Variants in GDPD5 observed in about 807,000 individuals in gnomAD.
The protein encoded by GDPD5 is glycerophosphodiester phosphodiesterase domain containing 5.
A neutral mutation model predicts 75.1 loss-of-function variants in GDPD5; 48 were observed. The observed-to-expected ratio is 0.64, with a 90% confidence interval of 0.51 to 0.81. The LOEUF is 0.81. GDPD5 is among the 40% of genes least tolerant of loss of function. The pLI is 0.00. For synonymous variants in GDPD5, 336 were observed against 339.0 expected (o/e 0.99, Z 0.10); for missense variants, 706 against 822.6 (o/e 0.86, Z 1.73).
chr11:75,517,890 T>A (rs926295835), intron 1 of GDPD5, among the ~76,000 whole-genome samples: 1 of 151,690 alleles, frequency 6.6e-6, no homozygotes, highest in Non-Finnish European at 1.5e-5. Flanking sequence ...GGTGTCCGGG[T>A]TGGAAAAACA....
intron 1 of GDPD5, among the ~76,000 whole-genome samples, chr11:75,525,000 G>A (rs1288003946): frequency 3.9e-5 from 6 of 152,268 alleles, no homozygotes; most frequent in African/African-American, 1.2e-4. Flanking sequence ...GTAGCAGTGA[G>A]GCTTAGGCGG....
intron 1 of GDPD5, among the ~76,000 whole-genome samples, chr11:75,495,984 T>C (rs1408718069): frequency 6.6e-6 from 1 of 152,216 alleles, no homozygotes; most frequent in Non-Finnish European, 1.5e-5. Context: ...GGGCTGTATT[T>C]CCAGGGCAGT....
intron 1 of GDPD5, among the ~76,000 whole-genome samples, chr11:75,518,146 G>T (rs1418568388): frequency 6.6e-6 from 1 of 152,234 alleles, no homozygotes; most frequent in Non-Finnish European, 1.5e-5. Context: ...TATGGGGTGG[G>T]TGCTTGCCAT....
intron 16 of GDPD5, 36 bp downstream of exon 16, chr11:75,436,900 C>G: frequency 6.5e-7 from 1 of 1,530,234 alleles, no homozygotes; most frequent in Non-Finnish European, 9.0e-7. Flanking sequence ...AAGCTGGGCC[C>G]AGGGCCTGCC....
chr11:75,503,761 G>A lies in GDPD5; in HGVS notation c.-144-13441C>T, dbSNP rs115670316. Reference sequence around the variant, plus strand: ...GTCTCCTTGTTGCTGAAGCAGCTCCGCTGTCCACAGCCCTGGGGAAAGTCA... The same window carrying A: ...GTCTCCTTGTTGCTGAAGCAGCTCCACTGTCCACAGCCCTGGGGAAAGTCA... On this transcript the variant is annotated intron_variant, in intron 1 of 16. Transcript: ENST00000336898. 3.8e-3 allele frequency among the ~76,000 whole-genome samples: 579 copies of A among 152,336 alleles called. 6 individuals are homozygous for A. Among genetic ancestry groups the A allele is most frequent in the African/African-American group, 0.013 (543 of 41,568 alleles).
Position 75,443,222 on chromosome 11 carries a change from C to A in GDPD5, c.862G>T (p.Glu288Ter), listed in dbSNP as rs768225196. 11 of 1,608,044 alleles carry A rather than the reference C, an allele frequency of 6.8e-6. No homozygotes were observed. The highest frequency in any genetic ancestry group is 8.5e-6 in the Non-Finnish European group (10 of 1,177,902). ...GGCCTGCGGGCCAGCTCCGGGAACT[C>A]CTCCTCCACGTTGGTGGTGCGCCGC... ...TLRRTTNVEE[E>*]FPELARRPAS... is the part of the protein sequence containing the mutation. The change falls in exon 11 of 17, where the codon GAG (glutamate) becomes TAG (stop). Residue 288 changes from glutamate to a stop codon, truncating the protein, a stop_gained. Transcript: ENST00000336898. LOFTEE classifies it high-confidence loss of function.
At chr11:75,449,744 A>G in intron 7 of GDPD5, 134 bp from the exon 8 acceptor site, 1 of 1,254,354 alleles carries the variant, frequency 8.0e-7, no homozygotes, top group Non-Finnish European at 1.1e-6. Flanking sequence ...TGGGAGCCTC[A>G]GGACCCTGGT....
chr11:75,478,718 A>G (rs978455686), intron 2 of GDPD5, among the ~76,000 whole-genome samples: 12 of 152,262 alleles, frequency 7.9e-5, no homozygotes, highest in Admixed American at 1.3e-4. Flanking sequence ...ATTTTAGAAG[A>G]AATTATCATA....
In GDPD5 at chr11:75,455,434, T is replaced by G. The variant is rs77706546; in HGVS notation, c.375+1323A>C. On this transcript the variant is annotated intron_variant, in intron 6 of 16. Transcript: ENST00000336898. ...CTCCTACCACTCTAAGACTTCAGTC[T>G]CTGGGGTCTGACTCCCAAGCTCCAG... The G allele has an allele frequency of 3.8e-3, 1,717 of 452,250 alleles. 28 individuals are homozygous for G. Among genetic ancestry groups the G allele is most frequent in the African/African-American group, 0.03 (1,505 of 50,020 alleles). The allele number at this position is 452,250 out of a possible 1,614,324, so 28.0% of individuals were successfully genotyped here. A position where few individuals can be genotyped will look rare whatever the true frequency, so the allele number is the denominator to read the frequency against.
chr11:75,473,243 C>T (rs1199007505), intron 3 of GDPD5, among the ~76,000 whole-genome samples: 1 of 151,968 alleles, frequency 6.6e-6, no homozygotes, highest in African/African-American at 2.4e-5. Context: ...GTTAGGGAGG[C>T]TTATTTGTCT....
Position 75,441,204 on chromosome 11 carries a change from AG to A in GDPD5, c.1431del (p.Ser478ProfsTer58). ...GAAGGCACCTGGGACAGGGCGTGGG[AG>A]TTGTCAGAGGTGACGGATGGGACCC... The part of the protein sequence containing the change: ...CAGVPSVTSD[N>X]SHALSQVPSP... On this transcript the variant is annotated frameshift_variant, in exon 14 of 17. Transcript: ENST00000336898. LOFTEE classifies it high-confidence loss of function. 6.2e-7 allele frequency: 1 copy of A among 1,613,976 alleles called. No homozygotes were observed. The highest frequency in any genetic ancestry group is 8.5e-7 in the Non-Finnish European group (1 of 1,179,970).
chr11:75,466,483 G>A (rs1565197571), intron 3 of GDPD5, among the ~76,000 whole-genome samples: 2 of 152,152 alleles, frequency 1.3e-5, no homozygotes, highest in Non-Finnish European at 2.9e-5. Flanking sequence ...AGAGAGGCCT[G>A]CCCGCTCCAC....
At chr11:75,454,469 C>T (rs769104739) in intron 6 of GDPD5, among the ~76,000 whole-genome samples, 8 of 152,226 alleles carry the variant, frequency 5.3e-5, no homozygotes, top group African/African-American at 4.8e-5. Flanking sequence ...TGAAAGTACA[C>T]ATTCTTCACC....
intron 1 of GDPD5, chr11:75,517,377 C>G (rs950930651): frequency 4.6e-5 from 7 of 152,290 alleles, no homozygotes; most frequent in African/African-American, 1.4e-4. Flanking sequence ...TCGCTTGAAC[C>G]TGGGAGGCGG....
At chr11:75,515,780 T>C (rs1215064340) in intron 1 of GDPD5, among the ~76,000 whole-genome samples, 2 of 152,182 alleles carry the variant, frequency 1.3e-5, no homozygotes, top group Non-Finnish European at 2.9e-5. Flanking sequence ...GAGGTTCCCC[T>C]GTCCCTGGCA....
rs1427607733 is a variant in GDPD5 at position 75,453,884 on chromosome 11, G to GA, written c.375+2872dup. 3.3e-5 allele frequency among the ~76,000 whole-genome samples: 5 copies of GA among 152,044 alleles called. No individual in the cohort carries two copies. The East Asian group carries it at 9.7e-4, about 29-fold the overall frequency. On this transcript the variant is annotated intron_variant, in intron 6 of 16. Coordinates refer to ENST00000336898, the MANE Select transcript of GDPD5 (RefSeq NM_030792.8). ...TACCCCAAAATAGCTTCCAAAAAGA[G>GA]AAAAAATTAAATGTTAAAAACGTGG...
At chr11:75,507,849 A>G (rs972938091) in intron 1 of GDPD5, among the ~76,000 whole-genome samples, 2 of 152,152 alleles carry the variant, frequency 1.3e-5, no homozygotes, top group African/African-American at 4.8e-5. Context: ...ATTGACCATC[A>G]CAGAGCCTGC....
chr11:75,484,756 G>A (rs1949987305), intron 2 of GDPD5, among the ~76,000 whole-genome samples: 1 of 152,164 alleles, frequency 6.6e-6, no homozygotes, highest in Non-Finnish European at 1.5e-5. Flanking sequence ...AGAACTGGCT[G>A]AGCTAACATA....
chr11:75,450,099 G>A (rs1460846427), intron 6 of GDPD5, 116 bp from the exon 7 acceptor site: 3 of 764,350 alleles, frequency 3.9e-6, no homozygotes, highest in Non-Finnish European at 6.4e-6. Context: ...GATGGAGCAG[G>A]GCAGAGGGGA....
Sources: gnomAD v4.1 joint callset for allele counts (sites outside exome capture counted in the v4.1 genomes callset) on GRCh38, gnomAD v4.1.1 for gene constraint, MANE v1.5 for transcripts, NCBI Gene and HGNC (gene_info 2026-07-23, HGNC 2026-07-21) for gene names.